DOCK5: variants seen among roughly 807,000 people sequenced by gnomAD.
DOCK5 encodes the protein dedicator of cytokinesis 5, also known as dedicator of cytokinesis protein 5.
Under a neutral mutation model 251.8 loss-of-function variants are expected in DOCK5, and 142 were observed. The ratio of observed to expected loss-of-function variants is 0.56; its 90% CI spans 0.49 to 0.65. The LOEUF (loss-of-function observed/expected upper bound fraction) is 0.65. Ranked by LOEUF, DOCK5 falls within the 30% of genes least tolerant of loss-of-function variation. The probability of loss-of-function intolerance (pLI) is 0.00; values close to 1 mark genes in which losing one functional copy is unlikely to be tolerated. For missense variants in DOCK5, 2,111 were observed against 2,312.3 expected, an observed-to-expected ratio of 0.91 and a Z score of 1.79; for synonymous variants, 842 against 835.5, an observed-to-expected ratio of 1.01 and a Z score of -0.13.
intron 1 of DOCK5, among the ~76,000 whole-genome samples, chr8:25,204,076 T>G (rs1335462218): frequency 6.6e-6 from 1 of 152,238 alleles, no homozygotes; most frequent in African/African-American, 2.4e-5. Context: ...TTGTTTTTCT[T>G]GCAGAAATAG....
rs956656865 is a variant in DOCK5, at chr8:25,264,302, G to A, written c.128-4543G>A. ...GTGGGATCCATGGAGCTGGGGTGGC[G>A]GAGGTTGCAGTGAGCCATGATTGTG... On this transcript the variant is annotated intron_variant, in intron 2 of 51. Coordinates refer to ENST00000276440, the MANE Select transcript of DOCK5 (RefSeq NM_024940.8). Among the ~76,000 whole-genome samples, 72 of 151,744 alleles carry A rather than the reference G, an allele frequency of 4.7e-4. 2 individuals are homozygous for A. Among genetic ancestry groups the A allele is most frequent in the African/African-American group, 1.7e-3 (70 of 41,162 alleles).
At chr8:25,373,436 C>T (rs547122869) in intron 35 of DOCK5, among the ~76,000 whole-genome samples, 182 bp from the exon 36 acceptor site, 7 of 152,292 alleles carry the variant, frequency 4.6e-5, no homozygotes, top group African/African-American at 1.2e-4. Flanking sequence ...TTATATCACT[C>T]TTGTGCTTTT....
At chr8:25,309,334 C>T (rs1805028578) in intron 12 of DOCK5, among the ~76,000 whole-genome samples, 2 of 152,074 alleles carry the variant, frequency 1.3e-5, no homozygotes, top group South Asian at 4.1e-4. Flanking sequence ...CAGACATGTA[C>T]CACCATGCTC....
Position 25,374,588 on chromosome 8 carries a change from G to T in DOCK5, c.3750G>T (p.Leu1250Phe). The T allele has an allele frequency of 1.2e-6, 2 of 1,610,312 alleles. No individual in the cohort carries two copies. The highest frequency in any genetic ancestry group is 1.7e-6 in the Non-Finnish European group (2 of 1,179,032). ...YIRYLYKLRD[L>F]HRDCENYTEA... ...GATATCTGTACAAGCTTCGAGATTT[G>T]CACCGAGACTGTGAGAACTACACAG... is the stretch of plus-strand genomic sequence containing the variant. The change falls in exon 37 of 52, where the codon TTG becomes TTT. Residue 1250 changes from leucine (L) to phenylalanine (F), a missense_variant. This residue lies in a region of DOCK5 where 1,717 missense variants were observed against 1,892.4 expected (regional missense o/e 0.91). Coordinates refer to ENST00000276440, the MANE Select transcript of DOCK5 (RefSeq NM_024940.8).
chr8:25,362,756 G>T (rs372149061), intron 28 of DOCK5, among the ~76,000 whole-genome samples: 2 of 152,010 alleles, frequency 1.3e-5, no homozygotes, highest in African/African-American at 4.8e-5. Context: ...TACTTTCTAT[G>T]CCCTTAAGTG....
chr8:25,411,490 C>A lies in DOCK5; in HGVS notation c.*192C>A. 1.4e-6 allele frequency: 1 copy of A among 723,654 alleles called. No homozygotes were observed. Among genetic ancestry groups the A allele is most frequent in the Non-Finnish European group, 2.0e-6 (1 of 510,244 alleles). The allele number at this position is 723,654 out of a possible 1,614,324, so 44.8% of individuals were successfully genotyped here. Reference sequence around the variant, plus strand: ...TGATAGAATTTTGAGGCCATGCCACCTCCCTTCCAGTCCACATGGAATTCC... The same window carrying A: ...TGATAGAATTTTGAGGCCATGCCACATCCCTTCCAGTCCACATGGAATTCC... On this transcript the variant is annotated 3_prime_UTR_variant, in exon 52 of 52. Transcript: ENST00000276440.
At chr8:25,353,817 A>C (rs1800513968) in intron 27 of DOCK5, among the ~76,000 whole-genome samples, 1 of 152,030 alleles carries the variant, frequency 6.6e-6, no homozygotes, top group African/African-American at 2.4e-5. Context: ...TGAGGTCAGG[A>C]GTTCGAGACC....
At chr8:25,191,172 G>GC (rs942353251) in intron 1 of DOCK5, among the ~76,000 whole-genome samples, 8 of 152,040 alleles carry the variant, frequency 5.3e-5, no homozygotes, top group East Asian at 1.9e-4. Flanking sequence ...GAATGGGGGG[G>GC]GTCCATGAAA....
At chr8:25,290,644 A>C (rs1034953000) in intron 5 of DOCK5, among the ~76,000 whole-genome samples, 3 of 6,238 alleles carry the variant, frequency 4.8e-4, no homozygotes, top group Non-Finnish European at 4.0e-3. Context: ...CTGAAATTAT[A>C]ATTATTTCTC....
intron 48 of DOCK5, among the ~76,000 whole-genome samples, chr8:25,404,356 T>G (rs1433353766): frequency 1.3e-5 from 2 of 152,204 alleles, no homozygotes; most frequent in Non-Finnish European, 2.9e-5. Context: ...TATGGCTCAT[T>G]GTATGTATGT....
chr8:25,406,472 C>G (rs1447016078), intron 48 of DOCK5, among the ~76,000 whole-genome samples: 1 of 152,158 alleles, frequency 6.6e-6, no homozygotes, highest in African/African-American at 2.4e-5. Flanking sequence ...GCCACCCTGC[C>G]TGGAAATCAA....
intron 26 of DOCK5, among the ~76,000 whole-genome samples, chr8:25,346,905 C>G (rs1332940083): frequency 6.6e-6 from 1 of 151,876 alleles, no homozygotes; most frequent in East Asian, 1.9e-4. Context: ...ACAGGCCTAG[C>G]AGAGCCCCCA....
At chr8:25,402,654 G>A (rs1036323166) in intron 47 of DOCK5, among the ~76,000 whole-genome samples, 2 of 151,592 alleles carry the variant, frequency 1.3e-5, no homozygotes, top group Admixed American at 1.3e-4. Flanking sequence ...ATGTTGCCCA[G>A]GCTGGCCTCC....
In DOCK5 at chr8:25,254,780, AAACAAAACAAAAC is replaced by A. The variant is rs1204890416; in HGVS notation, c.127+11026_127+11038del. Among the ~76,000 whole-genome samples, 28 of 130,688 alleles carry A rather than the reference AAACAAAACAAAAC, an allele frequency of 2.1e-4. 8 individuals are homozygous for A. Among genetic ancestry groups the A allele is most frequent in the Middle Eastern group, 7.3e-3 (2 of 274 alleles). 85.7% of individuals were successfully genotyped at this position (130,688 alleles called of 152,430 possible). ...CAAAGCAAGACTTTGTCTCAAAAAA[AAACAAAACAAAAC>A]AAAAAAAAAAAACATTTGATAAAGG... On this transcript the variant is annotated intron_variant, in intron 2 of 51. Coordinates refer to ENST00000276440, the MANE Select transcript of DOCK5 (RefSeq NM_024940.8).
intron 37 of DOCK5, chr8:25,375,749 C>G (rs1800952201): frequency 2.0e-6 from 2 of 985,386 alleles, no homozygotes; most frequent in Non-Finnish European, 2.4e-6. Context: ...CTATGCCTCA[C>G]CACTTCCCAA....
chr8:25,322,093 G>A (rs769573571), intron 16 of DOCK5, among the ~76,000 whole-genome samples: 7 of 152,070 alleles, frequency 4.6e-5, no homozygotes, highest in Admixed American at 1.3e-4. Context: ...TTCTCATTTC[G>A]CACTGCATAA....
intron 37 of DOCK5, chr8:25,375,985 C>A (rs1800956144): frequency 1.3e-6 from 1 of 770,646 alleles, no homozygotes; most frequent in Non-Finnish European, 1.6e-6. Flanking sequence ...GTAGTCCCAG[C>A]TACTCAGGAG....
rs190181690 is a variant in DOCK5 at position 25,363,423 on chromosome 8, C to A, written c.3044+282C>A. On this transcript the variant is annotated intron_variant, in intron 29 of 51. Coordinates refer to ENST00000276440, the MANE Select transcript of DOCK5 (RefSeq NM_024940.8). ...AACTCTCCACTGCACCTTTCCGTGG[C>A]TCCACGTGGCCTGTGTCATCCTGAT... Among the ~76,000 whole-genome samples the A allele has an allele frequency of 2.0e-5, 3 of 152,336 alleles. No individual in the cohort carries two copies. The East Asian group carries it at 5.8e-4, about 29-fold the overall frequency.
Position 25,242,815 on chromosome 8 carries a change from G to A in DOCK5, c.44-859G>A, listed in dbSNP as rs192531537. 5.3e-5 allele frequency among the ~76,000 whole-genome samples: 8 copies of A among 152,266 alleles called. No homozygotes were observed. The East Asian group carries it at 1.6e-3, about 30-fold the overall frequency. On this transcript the variant is annotated intron_variant, in intron 1 of 51. Coordinates refer to ENST00000276440, the MANE Select transcript of DOCK5 (RefSeq NM_024940.8). The stretch of plus-strand genomic sequence containing the variant: ...CCAGGGTGCCCTGGGCTGGGGCCAG[G>A]CACCATCGTTGCACCGTGCCCTGTG...
Sources: gnomAD v4.1 joint callset for allele counts (sites outside exome capture counted in the v4.1 genomes callset) on GRCh38, gnomAD v4.1.1 for gene constraint, gnomAD v4.1.1 regional missense constraint, MANE v1.5 for transcripts, NCBI Gene and HGNC (gene_info 2026-07-23, HGNC 2026-07-21) for gene names.